COG5: variants seen among roughly 807,000 people sequenced by gnomAD.
The protein encoded by COG5 is component of oligomeric golgi complex 5, also known as conserved oligomeric Golgi complex subunit 5.
Under a neutral mutation model 110.4 loss-of-function variants are expected in COG5, and 86 were observed. The observed-to-expected ratio is 0.78, with a 90% CI of 0.65 to 0.93. The LOEUF is 0.93. Ranked by LOEUF, COG5 falls within the 40% of genes least tolerant of loss-of-function variation. The pLI, the probability that COG5 is intolerant of heterozygous loss-of-function variation, is 0.00. For missense variants in COG5, 1,077 were observed against 987.0 expected (o/e 1.09, Z -1.22); for synonymous variants, 360 against 334.6 (o/e 1.08, Z -0.83).
chr7:107,541,523 A>AAAAAAATATATAT (rs60423657), intron 5 of COG5, among the ~76,000 whole-genome samples: 32 of 57,002 alleles, frequency 5.6e-4, no homozygotes, highest in East Asian at 1.0e-3. Context: ...AAAAAAAAAA[A>AAAAAAATATATAT]ATATATATAT....
chr7:107,291,424 C>A (rs566109062), intron 12 of COG5, among the ~76,000 whole-genome samples: 1 of 152,100 alleles, frequency 6.6e-6, no homozygotes, highest in East Asian at 1.9e-4. Flanking sequence ...TACTGGTCCC[C>A]GCAGCTCTAA....
chr7:107,401,554 A>G (rs992877465), intron 7 of COG5, among the ~76,000 whole-genome samples: 2 of 152,170 alleles, frequency 1.3e-5, no homozygotes, highest in African/African-American at 4.8e-5. Context: ...TTATCATTTG[A>G]AGGTCATAAA....
chr7:107,542,169 A>G (rs1802088364), intron 5 of COG5, among the ~76,000 whole-genome samples: 1 of 152,152 alleles, frequency 6.6e-6, no homozygotes, highest in East Asian at 1.9e-4. Context: ...TAAAAGAAAA[A>G]TTAGATAAAT....
chr7:107,277,060 G>A (rs1190057618), intron 14 of COG5, among the ~76,000 whole-genome samples: 1 of 152,054 alleles, frequency 6.6e-6, no homozygotes, highest in Middle Eastern at 3.2e-3. Context: ...ATTAAACTAT[G>A]AAATCATCTA....
At chr7:107,309,572 A>C (rs1025743496) in intron 11 of COG5, among the ~76,000 whole-genome samples, 1 of 152,130 alleles carries the variant, frequency 6.6e-6, no homozygotes, top group African/African-American at 2.4e-5. Flanking sequence ...AAAAGAGTTC[A>C]TGGGTTGTGG....
chr7:107,284,247 G>GT (rs1323562825), intron 12 of COG5, among the ~76,000 whole-genome samples: 1 of 152,056 alleles, frequency 6.6e-6, no homozygotes, highest in Non-Finnish European at 1.5e-5. Context: ...TAATCTCTAC[G>GT]TAAGTCCCCA....
chr7:107,408,762 A>G (rs567906029), intron 7 of COG5, among the ~76,000 whole-genome samples: 15 of 152,352 alleles, frequency 9.8e-5, no homozygotes, highest in African/African-American at 3.4e-4. Context: ...AGATCTTGTC[A>G]GAGGAAATAT....
chr7:107,563,712 G>A (rs1191877353), intron 1 of COG5, 91 bp downstream of exon 1: 1 of 1,494,598 alleles, frequency 6.7e-7, no homozygotes, highest in Non-Finnish European at 9.3e-7. Flanking sequence ...AAAACTTTCT[G>A]CAAAGCAACG....
rs67581814 is a variant in COG5 at position 107,395,541 on chromosome 7, C to CTTTTTTTTTTTTTTTT, written c.669+16945_669+16960dup. Among the ~76,000 whole-genome samples the CTTTTTTTTTTTTTTTT allele has an allele frequency of 1.0e-4, 5 of 49,994 alleles. 2 individuals are homozygous for CTTTTTTTTTTTTTTTT. Among genetic ancestry groups the CTTTTTTTTTTTTTTTT allele is most frequent in the African/African-American group, 4.8e-4 (5 of 10,338 alleles). The allele number at this position is 49,994 out of a possible 152,430, so 32.8% of individuals were successfully genotyped here. A position where few individuals can be genotyped will look rare whatever the true frequency, so the allele number is the denominator to read the frequency against. On this transcript the variant is annotated intron_variant, in intron 7 of 21. Coordinates refer to ENST00000297135, the MANE Select transcript of COG5 (RefSeq NM_006348.5). ...AAATCGTCTTTACCATGAAGCAGAT[C>CTTTTTTTTTTTTTTTT]TTTTTTTTTTTTTTTTTTTTTTTTT... is the stretch of plus-strand genomic sequence containing the variant.
intron 15 of COG5, among the ~76,000 whole-genome samples, chr7:107,257,396 A>G (rs1192580563): frequency 6.6e-6 from 1 of 152,110 alleles, no homozygotes; most frequent in East Asian, 1.9e-4. Flanking sequence ...ATTTTGTTTA[A>G]TGTGTAAAAT....
chr7:107,247,574 A>G (rs1418181553), intron 17 of COG5, among the ~76,000 whole-genome samples: 1 of 152,224 alleles, frequency 6.6e-6, no homozygotes, highest in Non-Finnish European at 1.5e-5. Flanking sequence ...TATAAAATAC[A>G]TATCTACATA....
chr7:107,533,559 G>A lies in COG5; in HGVS notation c.418-6202C>T, dbSNP rs1020105173. Among the ~76,000 whole-genome samples, 9 of 151,602 alleles carry A rather than the reference G, an allele frequency of 5.9e-5. 1 individual carries two copies. Among genetic ancestry groups the A allele is most frequent in the Admixed American group, 5.2e-4 (8 of 15,278 alleles). ...GCCGAATAGATCAAGTGGAAGAAAG[G>A]ATATCAGAGACTGACGATCAACTTA... On this transcript the variant is annotated intron_variant, in intron 5 of 21. Transcript: ENST00000297135.
At chr7:107,412,351 ACG>A (rs2129067017) in intron 7 of COG5, 149 bp downstream of exon 7, 2 of 605,068 alleles carry the variant, frequency 3.3e-6, no homozygotes, top group East Asian at 6.4e-5. Context: ...ATTTCCCTTA[ACG>A]ATGACCCATT....
chr7:107,554,462 A>G, intron 2 of COG5, 120 bp from the exon 3 acceptor site: 2 of 872,320 alleles, frequency 2.3e-6, no homozygotes, highest in Non-Finnish European at 3.7e-6. Context: ...TACAAAAGAA[A>G]AAACCACAGG....
intron 18 of COG5, among the ~76,000 whole-genome samples, chr7:107,232,722 T>C (rs1459854183): frequency 3.3e-5 from 5 of 152,238 alleles, no homozygotes; most frequent in Non-Finnish European, 5.9e-5. Flanking sequence ...ATTTTCTTCT[T>C]CCAGAATTCC....
chr7:107,300,321 C>T (rs1014526398), intron 11 of COG5, among the ~76,000 whole-genome samples: 1 of 152,050 alleles, frequency 6.6e-6, no homozygotes, highest in African/African-American at 2.4e-5. Flanking sequence ...AGGTTCTGGC[C>T]AGTGCAATGA....
At chr7:107,369,325 C>A (rs1268623735) in intron 8 of COG5, among the ~76,000 whole-genome samples, 1 of 150,556 alleles carries the variant, frequency 6.6e-6, no homozygotes, top group Non-Finnish European at 1.5e-5. Flanking sequence ...CCTTAATAAA[C>A]TAGTTTATCC....
intron 5 of COG5, among the ~76,000 whole-genome samples, chr7:107,541,877 C>G (rs896680203): frequency 1.3e-4 from 19 of 149,192 alleles, no homozygotes; most frequent in Non-Finnish European, 2.4e-4. Context: ...TTGCAGTGAG[C>G]CGAGATGGTG....
chr7:107,507,707 G>T (rs114115588), intron 6 of COG5, among the ~76,000 whole-genome samples: 1,583 of 152,074 alleles, frequency 0.01, 16 homozygotes, highest in African/African-American at 0.036. Flanking sequence ...TGTATGGCAA[G>T]GTTATATAAA....
Sources: allele counts gnomAD v4.1 joint callset (sites outside exome capture counted in the v4.1 genomes callset), GRCh38; gene constraint gnomAD v4.1.1; transcripts MANE v1.5; gene names NCBI Gene and HGNC (gene_info 2026-07-23, HGNC 2026-07-21).